Variants in MTREX observed in about 807,000 individuals in gnomAD.
The protein encoded by MTREX is exosome RNA helicase MTR4.
Under a neutral mutation model 135.4 loss-of-function variants are expected in MTREX, and 76 were observed. That is an observed-to-expected ratio of 0.56 (90% CI 0.47 to 0.68). The LOEUF is 0.68. Ranked by LOEUF, MTREX falls within the 30% of genes least tolerant of loss-of-function variation. The pLI is 0.00. For synonymous variants in MTREX, 404 were observed against 401.6 expected (o/e 1.01, Z -0.07); for missense variants, 920 against 1,262.1 (o/e 0.73, Z 4.11).
intron 18 of MTREX, among the ~76,000 whole-genome samples, chr5:55,386,527 A>G (rs1376457062): frequency 6.6e-6 from 1 of 152,150 alleles, no homozygotes; most frequent in Non-Finnish European, 1.5e-5. Flanking sequence ...TACAATTTAG[A>G]AGGCTTCCTA....
At chr5:55,319,321 G>C (rs1749250001) in intron 1 of MTREX, among the ~76,000 whole-genome samples, 1 of 152,206 alleles carries the variant, frequency 6.6e-6, no homozygotes, top group Non-Finnish European at 1.5e-5. Flanking sequence ...ATAGGATTAA[G>C]TGATTTGGTT....
Position 55,328,823 on chromosome 5 carries a change from C to T in MTREX, c.515+12C>T, listed in dbSNP as rs777700678. ...ACAGTATGCGCCGAGTGAGTAGCTT[C>T]CTTTTTAAAGTCACTTTGTTTCTTA... On this transcript the variant is annotated intron_variant, in intron 5 of 26. Transcript: ENST00000230640. 6 of 1,514,860 alleles carry T rather than the reference C, an allele frequency of 4.0e-6. No homozygotes were observed. Among genetic ancestry groups the T allele is most frequent in the Admixed American group, 3.5e-5 (2 of 57,204 alleles). The allele number at this position is 1,514,860 out of a possible 1,614,324, so 93.8% of individuals were successfully genotyped here. A position where few individuals can be genotyped will look rare whatever the true frequency, so the allele number is the denominator to read the frequency against.
chr5:55,336,873 T>C (rs1427289463), intron 5 of MTREX, among the ~76,000 whole-genome samples: 3 of 152,190 alleles, frequency 2.0e-5, no homozygotes, highest in East Asian at 3.9e-4. Context: ...AATAATGGTA[T>C]GTGATTTTCT....
intron 14 of MTREX, among the ~76,000 whole-genome samples, chr5:55,357,917 A>G (rs1436551451): frequency 6.6e-6 from 1 of 152,198 alleles, no homozygotes. Context: ...TACCAAGAAA[A>G]TAGGAGAGAA....
intron 1 of MTREX, among the ~76,000 whole-genome samples, chr5:55,313,880 T>A (rs960294202): frequency 6.6e-6 from 1 of 152,212 alleles, no homozygotes; most frequent in African/African-American, 2.4e-5. Context: ...CTATCAGATG[T>A]CTCCATTTCT....
At chr5:55,349,177 T>G (rs1198585728) in intron 11 of MTREX, among the ~76,000 whole-genome samples, 4 of 150,534 alleles carry the variant, frequency 2.7e-5, no homozygotes, top group Admixed American at 6.6e-5. Context: ...TTTTGCTCTT[T>G]AAAGACTCTT....
chr5:55,396,041 TTATG>T (rs774020300), intron 19 of MTREX, among the ~76,000 whole-genome samples: 1 of 152,192 alleles, frequency 6.6e-6, no homozygotes, highest in Non-Finnish European at 1.5e-5. Context: ...TACTTGTACT[TTATG>T]TGTGTAGAAA....
At chr5:55,351,405 A>C (rs1034879743) in intron 13 of MTREX, among the ~76,000 whole-genome samples, 1 of 152,076 alleles carries the variant, frequency 6.6e-6, no homozygotes, top group African/African-American at 2.4e-5. Context: ...GGTGGCAAGC[A>C]CCTGCAGTCC....
chr5:55,342,096 G>A lies in MTREX; in HGVS notation c.781+325G>A, dbSNP rs929303808. Among the ~76,000 whole-genome samples, 5 of 152,114 alleles carry A rather than the reference G, an allele frequency of 3.3e-5. 1 individual carries two copies. Among genetic ancestry groups the A allele is most frequent in the Non-Finnish European group, 5.9e-5 (4 of 68,030 alleles). ...AATTTTTATTTATTTTATTAGTAGA[G>A]ATGGCGTCTCACAACGTTGAGCAGG... On this transcript the variant is annotated intron_variant, in intron 7 of 26. Transcript: ENST00000230640.
intron 25 of MTREX, among the ~76,000 whole-genome samples, chr5:55,420,931 T>A (rs1393132461): frequency 6.6e-6 from 1 of 152,238 alleles, no homozygotes; most frequent in African/African-American, 2.4e-5. Flanking sequence ...CTGACTTGTA[T>A]ACTTTAACAT....
At chr5:55,355,891 T>A (rs1226835764) in intron 14 of MTREX, among the ~76,000 whole-genome samples, 1 of 152,172 alleles carries the variant, frequency 6.6e-6, no homozygotes, top group South Asian at 2.1e-4. Flanking sequence ...AGTTCTAGAA[T>A]TAACTGTCCC....
chr5:55,318,022 TCAGTATCACTGATCATTAGAGAATTG>T (rs1405694647), intron 1 of MTREX, among the ~76,000 whole-genome samples: 18 of 152,126 alleles, frequency 1.2e-4, no homozygotes, highest in Non-Finnish European at 2.4e-4. Context: ...TAAAAAAAGC[TCAGTATCACTGATCATTAGAGAATTG>T]CAAATCAAAA....
chr5:55,351,842 CTTT>C (rs754738083), intron 13 of MTREX, among the ~76,000 whole-genome samples: 4 of 139,370 alleles, frequency 2.9e-5, no homozygotes, highest in Non-Finnish European at 3.1e-5. Flanking sequence ...ATGACTCATA[CTTT>C]TTTTTTTTTT....
At chr5:55,319,000 A>T (rs533777287) in intron 1 of MTREX, among the ~76,000 whole-genome samples, 63 of 152,144 alleles carry the variant, frequency 4.1e-4, no homozygotes, top group African/African-American at 1.5e-3. Flanking sequence ...TCTAAATTTT[A>T]ACACTTTACC....
At chr5:55,319,707 T>A (rs1749256401) in intron 1 of MTREX, among the ~76,000 whole-genome samples, 1 of 152,204 alleles carries the variant, frequency 6.6e-6, no homozygotes, top group East Asian at 1.9e-4. Context: ...CAGATGTTTG[T>A]GTGCAAGTTC....
At chr5:55,379,049 G>A (rs1223031124) in intron 17 of MTREX, 78 bp from the exon 18 acceptor site, 5 of 903,710 alleles carry the variant, frequency 5.5e-6, no homozygotes, top group Non-Finnish European at 9.1e-6. Flanking sequence ...TATTAGTCTA[G>A]AATGTAGGTG....
At chr5:55,308,974 G>A (rs756478876) in intron 1 of MTREX, among the ~76,000 whole-genome samples, 11 of 150,314 alleles carry the variant, frequency 7.3e-5, no homozygotes, top group Non-Finnish European at 1.6e-4. Context: ...AAGAGAACAG[G>A]TACCCATTAA....
chr5:55,390,299 C>T (rs1361784197), intron 19 of MTREX, among the ~76,000 whole-genome samples: 1 of 152,180 alleles, frequency 6.6e-6, no homozygotes, highest in Admixed American at 6.5e-5. Context: ...GACTGGGTTT[C>T]ACCATGTTGG....
chr5:55,399,560 T>C (rs1008571417), intron 20 of MTREX, among the ~76,000 whole-genome samples: 29 of 152,236 alleles, frequency 1.9e-4, no homozygotes, highest in Non-Finnish European at 7.3e-5. Context: ...CAATCTCGGC[T>C]CACCGCAAGC....
Sources: gnomAD v4.1 joint callset for allele counts (sites outside exome capture counted in the v4.1 genomes callset) on GRCh38, gnomAD v4.1.1 for gene constraint, MANE v1.5 for transcripts, NCBI Gene and HGNC (gene_info 2026-07-23, HGNC 2026-07-21) for gene names.